The following PSMD9 variants were observed in gnomAD, a reference collection of about 807,000 sequenced individuals.
PSMD9 encodes 26S proteasome non-ATPase regulatory subunit 9.
Under a neutral mutation model 25.9 loss-of-function variants are expected in PSMD9, and 26 were observed. The observed-to-expected ratio is 1.00, with a 90% CI of 0.73 to 1.39. The LOEUF is 1.39. Among genes scored for constraint, PSMD9 ranks in the 40% most tolerant of loss-of-function variants. The pLI, the probability that PSMD9 is intolerant of heterozygous loss-of-function variation, is 0.00. For missense variants in PSMD9, 303 were observed against 299.3 expected (o/e 1.01, Z -0.09); for synonymous variants, 110 against 114.5 (o/e 0.96, Z 0.25).
chr12:121,897,098 G>A (rs1288674212), intron 2 of PSMD9, among the ~76,000 whole-genome samples: 1 of 151,810 alleles, frequency 6.6e-6, no homozygotes, highest in African/African-American at 2.4e-5. Flanking sequence ...CCTCTAGAAG[G>A]AAAAATGCTG....
chr12:121,907,046 A>G (rs1167856045), intron 4 of PSMD9, among the ~76,000 whole-genome samples: 1 of 151,196 alleles, frequency 6.6e-6, no homozygotes, highest in Non-Finnish European at 1.5e-5. Context: ...GGAGATTAAC[A>G]CTCTTGCAGA....
intron 4 of PSMD9, among the ~76,000 whole-genome samples, chr12:121,911,430 G>A (rs140569132): frequency 2.2e-4 from 34 of 152,176 alleles, no homozygotes; most frequent in Non-Finnish European, 4.1e-4. Flanking sequence ...TATAATATTC[G>A]ACTGTATGTA....
intron 4 of PSMD9, 37 bp from the exon 5 acceptor site, chr12:121,915,819 C>A: frequency 1.3e-6 from 2 of 1,550,838 alleles, no homozygotes; most frequent in Non-Finnish European, 1.8e-6. Flanking sequence ...TGAGTACTAA[C>A]GAGGCTGAAC....
rs1326510674 is a variant in PSMD9 at position 121,917,450 on chromosome 12, G to C, written c.*1139G>C. On this transcript the variant is annotated 3_prime_UTR_variant, in exon 6 of 6. Coordinates refer to ENST00000541212, the MANE Select transcript of PSMD9 (RefSeq NM_002813.7). ...TTTGTCTCTTTTAAGATGGTAAAAT[G>C]GTTCTCAGGGATTCCTGCCAATACT... 1 of 152,306 alleles carries C rather than the reference G, an allele frequency of 6.6e-6. No individual in the cohort carries two copies. Among genetic ancestry groups the C allele is most frequent in the Non-Finnish European group, 1.5e-5 (1 of 68,036 alleles). 9.4% of individuals were successfully genotyped at this position (152,306 alleles called of 1,614,324 possible).
intron 3 of PSMD9, among the ~76,000 whole-genome samples, chr12:121,900,588 C>CA (rs36069883): frequency 0.068 from 8,421 of 123,818 alleles, 477 homozygotes; most frequent in East Asian, 0.24. Flanking sequence ...GACTCCGTCT[C>CA]AAAAAAAAAA....
chr12:121,905,665 T>A (rs1565893938), intron 4 of PSMD9, among the ~76,000 whole-genome samples: 1 of 151,690 alleles, frequency 6.6e-6, no homozygotes, highest in Non-Finnish European at 1.5e-5. Flanking sequence ...GTAGCTGGGA[T>A]TATAGGTGCC....
At chr12:121,894,896 G>A (rs1879188915) in intron 2 of PSMD9, 55 bp downstream of exon 2, 1 of 1,465,890 alleles carries the variant, frequency 6.8e-7, no homozygotes, top group African/African-American at 1.4e-5. Flanking sequence ...GGTGTTAAAG[G>A]CATACAAATA....
At chr12:121,894,140 TA>T (rs113756355) in intron 1 of PSMD9, 287 of 142,954 alleles carry the variant, frequency 2.0e-3, no homozygotes, top group Non-Finnish European at 2.2e-3. Flanking sequence ...TGACTCATGT[TA>T]AAAAAAAAAA....
At position 121,918,261 on chromosome 12, in the gene PSMD9, A is replaced by C. The variant is rs897227285; in HGVS notation, c.*1950A>C. 1.3e-5 allele frequency: 2 copies of C among 148,518 alleles called. No homozygotes were observed. Among genetic ancestry groups the C allele is most frequent in the African/African-American group, 5.3e-5 (2 of 37,900 alleles). 9.2% of individuals were successfully genotyped at this position (148,518 alleles called of 1,614,324 possible). On this transcript the variant is annotated 3_prime_UTR_variant, in exon 6 of 6. Transcript: ENST00000541212. The surrounding 1 kb of genome is among the most constrained non-coding windows in gnomAD (Gnocchi z 4.3). ...GACGGTTGTGTGCTGCATCCATGAG[A>C]CCTGGAAATTCAGTTTGCTTTTGGA...
chr12:121,890,955 A>G (rs922410680), intron 1 of PSMD9, among the ~76,000 whole-genome samples: 1 of 150,008 alleles, frequency 6.7e-6, no homozygotes, highest in African/African-American at 2.4e-5. Flanking sequence ...GTTTTTAAAA[A>G]GTGGGTTTGG....
At chr12:121,911,575 A>G (rs1484036382) in intron 4 of PSMD9, among the ~76,000 whole-genome samples, 1 of 152,034 alleles carries the variant, frequency 6.6e-6, no homozygotes, top group Non-Finnish European at 1.5e-5. Flanking sequence ...TTCTTTGTAT[A>G]TATGCCCAGA....
At position 121,915,894 on chromosome 12, in the gene PSMD9, A is replaced by T. The variant is rs770794074; in HGVS notation, c.594A>T (p.Lys198Asn). ...LNVTVIRRGE[K>N]HQLRLVPTRW... ...TGACAGTGATCCGCAGGGGGGAAAA[A>T]CACCAGCTTAGACTTGTTCCAACAC... The change falls in exon 5 of 6, where the codon AAA (lysine) becomes AAT (asparagine). Residue 198 changes from lysine to asparagine, a missense_variant. Physicochemically the swap from Lys to Asn is moderately conservative, Grantham distance 94. Coordinates refer to ENST00000541212, the MANE Select transcript of PSMD9 (RefSeq NM_002813.7). The T allele has an allele frequency of 2.4e-5, 39 of 1,613,764 alleles. No homozygotes were observed. The South Asian group carries it at 4.0e-4, about 16-fold the overall frequency.
At chr12:121,889,109 C>A in intron 1 of PSMD9, 115 bp downstream of exon 1, 1 of 1,351,960 alleles carries the variant, frequency 7.4e-7, no homozygotes, top group Non-Finnish European at 1.0e-6. Context: ...CCCTGGGAGG[C>A]CCAAGGCGCC....
intron 2 of PSMD9, 192 bp from the exon 3 acceptor site, chr12:121,899,442 T>C (rs1447088856): frequency 1.8e-5 from 11 of 601,004 alleles, no homozygotes; most frequent in Non-Finnish European, 2.6e-5. Flanking sequence ...TAATTACTTA[T>C]TCTGGAGCTG....
At chr12:121,899,988 C>A in intron 3 of PSMD9, 143 bp downstream of exon 3, 1 of 978,988 alleles carries the variant, frequency 1.0e-6, no homozygotes, top group Non-Finnish European at 1.5e-6. Context: ...CTGACTGAGG[C>A]CTGTCGTGTA....
intron 1 of PSMD9, among the ~76,000 whole-genome samples, chr12:121,892,599 G>A (rs569141576): frequency 6.6e-6 from 1 of 152,128 alleles, no homozygotes; most frequent in Admixed American, 6.6e-5. Context: ...TACTCGGGAG[G>A]CTGAGGCAGG....
In PSMD9 at chr12:121,916,487, A is replaced by G; in HGVS notation, c.*176A>G. ...CAGTGTAATCTCCCTGGATTAAGGC[A>G]TTCTTAAAAACTTAGGCTTGGCCTC... On this transcript the variant is annotated 3_prime_UTR_variant, in exon 6 of 6. Transcript: ENST00000541212. 1 of 753,156 alleles carries G rather than the reference A, an allele frequency of 1.3e-6. No homozygotes were observed. The highest frequency in any genetic ancestry group is 1.8e-5 in the South Asian group (1 of 56,500). 46.7% of individuals were successfully genotyped at this position (753,156 alleles called of 1,614,324 possible). A position where few individuals can be genotyped will look rare whatever the true frequency, so the allele number is the denominator to read the frequency against.
At chr12:121,912,509 T>C (rs1308957646) in intron 4 of PSMD9, among the ~76,000 whole-genome samples, 1 of 152,308 alleles carries the variant, frequency 6.6e-6, no homozygotes, top group Admixed American at 6.5e-5. Flanking sequence ...ATTTCTCTTA[T>C]GATTAGTGAC....
chr12:121,898,897 T>G (rs1328744819), intron 2 of PSMD9: 1 of 152,296 alleles, frequency 6.6e-6, no homozygotes, highest in East Asian at 1.9e-4. Flanking sequence ...AATTTTTGTA[T>G]TTTTAGTAGA....
Sources: gnomAD v4.1 joint callset for allele counts (sites outside exome capture counted in the v4.1 genomes callset) on GRCh38, gnomAD v4.1.1 for gene constraint, Gnocchi (gnomAD v3.1) non-coding constraint, MANE v1.5 for transcripts, NCBI Gene and HGNC (gene_info 2026-07-23, HGNC 2026-07-21) for gene names.